Variants in MYO3B observed in about 807,000 individuals in gnomAD.
MYO3B encodes myosin IIIB, also known as myosin-IIIb.
Under a neutral mutation model 174.6 loss-of-function variants are expected in MYO3B, and 156 were observed. That is an observed-to-expected ratio of 0.89 (90% CI 0.78 to 1.02). The LOEUF is 1.02. MYO3B is among the 50% of genes least tolerant of loss of function. The pLI, the probability that MYO3B is intolerant of heterozygous loss-of-function variation, is 0.00. For synonymous variants in MYO3B, 563 were observed against 569.1 expected, an observed-to-expected ratio of 0.99 and a Z score of 0.15; for missense variants, 1,632 against 1,639.4, an observed-to-expected ratio of 1.00 and a Z score of 0.08.
At chr2:170,283,061 C>T (rs1488052490) in intron 7 of MYO3B, among the ~76,000 whole-genome samples, 1 of 152,130 alleles carries the variant, frequency 6.6e-6, no homozygotes, top group African/African-American at 2.4e-5. Flanking sequence ...GGCTGTTGTA[C>T]CCTGGGCTAG....
At chr2:170,517,030 TC>T (rs1688359585) in intron 29 of MYO3B, among the ~76,000 whole-genome samples, 1 of 152,204 alleles carries the variant, frequency 6.6e-6, no homozygotes, top group South Asian at 2.1e-4. Flanking sequence ...GCCAGGTGAT[TC>T]CAACTGTCAC....
intron 7 of MYO3B, among the ~76,000 whole-genome samples, chr2:170,332,860 C>A (rs2093921504): frequency 6.6e-6 from 1 of 152,166 alleles, no homozygotes; most frequent in African/African-American, 2.4e-5. Context: ...GTTCTCTATA[C>A]TAAAGTGGAT....
rs560616750 is a variant in MYO3B at position 170,598,934 on chromosome 2, A to G, written c.3734-52694A>G. ...TATTGTAATTCTAATTACAATTATT[A>G]TTAGAAATAGGTCCTTCCTCTTTGC... On this transcript the variant is annotated intron_variant, in intron 32 of 34. Transcript: ENST00000408978. Among the ~76,000 whole-genome samples the G allele has an allele frequency of 2.7e-4, 41 of 152,340 alleles. No homozygotes were observed. In the South Asian group the frequency reaches 6.2e-3, roughly 23 times the overall value.
At chr2:170,220,359 G>A (rs908881033) in intron 6 of MYO3B, among the ~76,000 whole-genome samples, 3 of 151,868 alleles carry the variant, frequency 2.0e-5, no homozygotes, top group South Asian at 2.1e-4. Context: ...GACCGGGAGC[G>A]GTGGCTCACG....
intron 30 of MYO3B, among the ~76,000 whole-genome samples, chr2:170,539,155 A>G (rs1187268448): frequency 1.3e-5 from 2 of 152,184 alleles, no homozygotes; most frequent in African/African-American, 4.8e-5. Context: ...CAGAATAGTC[A>G]CTTTTTTCAG....
chr2:170,404,511 T>G (rs6751781), intron 20 of MYO3B, 111 bp downstream of exon 20: 1,040,443 of 1,109,632 alleles, frequency 0.94, 489,148 homozygotes, highest in East Asian at 0.98. Flanking sequence ...TATATGGTGG[T>G]TTGTAAGAAT....
At chr2:170,342,678 T>G (rs1287019551) in intron 8 of MYO3B, among the ~76,000 whole-genome samples, 1 of 152,176 alleles carries the variant, frequency 6.6e-6, no homozygotes, top group Non-Finnish European at 1.5e-5. Context: ...ACTCTTATGC[T>G]AGGCACTGTT....
At chr2:170,217,064 G>T (rs2092836953) in intron 5 of MYO3B, among the ~76,000 whole-genome samples, 1 of 151,382 alleles carries the variant, frequency 6.6e-6, no homozygotes, top group Non-Finnish European at 1.5e-5. Flanking sequence ...AATATTCTGT[G>T]ACGTGAAAAT....
chr2:170,303,161 A>G (rs1210177112), intron 7 of MYO3B, among the ~76,000 whole-genome samples: 1 of 152,166 alleles, frequency 6.6e-6, no homozygotes, highest in Non-Finnish European at 1.5e-5. Context: ...TATGTTGTCT[A>G]TGAATGGAAA....
intron 9 of MYO3B, among the ~76,000 whole-genome samples, chr2:170,373,615 G>T (rs1373751669): frequency 1.3e-5 from 2 of 152,136 alleles, no homozygotes; most frequent in Non-Finnish European, 2.9e-5. Context: ...GACAGGTAAA[G>T]GGGAAGGATA....
chr2:170,473,530 G>T (rs1685117684), intron 25 of MYO3B, among the ~76,000 whole-genome samples: 1 of 152,030 alleles, frequency 6.6e-6, no homozygotes, highest in South Asian at 2.1e-4. Flanking sequence ...CCTAGAACTG[G>T]CTTTGTTGAG....
intron 3 of MYO3B, among the ~76,000 whole-genome samples, chr2:170,211,043 GC>G (rs2092764546): frequency 6.6e-6 from 1 of 152,124 alleles, no homozygotes; most frequent in African/African-American, 2.4e-5. Context: ...TAATAAACAG[GC>G]ATGACTGGGA....
intron 7 of MYO3B, among the ~76,000 whole-genome samples, chr2:170,311,787 T>C (rs1050065087): frequency 5.3e-5 from 8 of 152,200 alleles, no homozygotes; most frequent in Non-Finnish European, 1.2e-4. Flanking sequence ...TTTACATTTG[T>C]TGTAATGTGT....
chr2:170,465,204 T>G (rs1363382773), intron 24 of MYO3B, among the ~76,000 whole-genome samples: 7 of 152,052 alleles, frequency 4.6e-5, no homozygotes, highest in African/African-American at 7.2e-5. Context: ...AAAAGAGGTT[T>G]ATTGGCTCAC....
chr2:170,236,284 T>TG (rs527306271), intron 7 of MYO3B, 148 bp downstream of exon 7: 79 of 540,748 alleles, frequency 1.5e-4, no homozygotes, highest in East Asian at 8.3e-4. Context: ...CAAGGGGGGC[T>TG]GGGGGGGACA....
chr2:170,336,608 G>T (rs2093949072), intron 8 of MYO3B, among the ~76,000 whole-genome samples: 1 of 152,094 alleles, frequency 6.6e-6, no homozygotes, highest in African/African-American at 2.4e-5. Context: ...ATTTATAGTT[G>T]TTATTCATCT....
intron 30 of MYO3B, among the ~76,000 whole-genome samples, chr2:170,520,220 A>G (rs2106142205): frequency 6.6e-6 from 1 of 152,056 alleles, no homozygotes; most frequent in East Asian, 1.9e-4. Context: ...ATGCTGCTAA[A>G]CCTCCTGCAA....
intron 22 of MYO3B, among the ~76,000 whole-genome samples, chr2:170,422,528 G>A (rs924499894): frequency 2.0e-5 from 3 of 149,652 alleles, no homozygotes; most frequent in Non-Finnish European, 3.0e-5. Context: ...GCTCGATCTC[G>A]GCTCACTGCA....
chr2:170,234,208 A>C (rs907163389), intron 6 of MYO3B, among the ~76,000 whole-genome samples: 13 of 144,862 alleles, frequency 9.0e-5, no homozygotes, highest in Admixed American at 2.0e-4. Flanking sequence ...CAAAAAAAAA[A>C]CACCTGTTTC....
Sources: allele counts gnomAD v4.1 joint callset (sites outside exome capture counted in the v4.1 genomes callset), GRCh38; gene constraint gnomAD v4.1.1; transcripts MANE v1.5; gene names NCBI Gene and HGNC (gene_info 2026-07-23, HGNC 2026-07-21).